The following DPP3 variants were observed in gnomAD, a reference collection of about 807,000 sequenced individuals.
The protein encoded by DPP3 is dipeptidyl peptidase 3.
In DPP3, 64 loss-of-function variants were observed where a neutral mutation model predicts 89.8. The observed-to-expected ratio is 0.71, with a 90% CI of 0.58 to 0.88. The LOEUF (loss-of-function observed/expected upper bound fraction) is 0.88, where lower values mean the gene tolerates loss of function less well. DPP3 is among the 40% of genes least tolerant of loss of function. The pLI is 0.00. For missense variants in DPP3, 835 were observed against 972.5 expected, an observed-to-expected ratio of 0.86 and a Z score of 1.88; for synonymous variants, 377 against 404.3, an observed-to-expected ratio of 0.93 and a Z score of 0.81.
At chr11:66,505,889 C>G (rs925560692) in intron 17 of DPP3, among the ~76,000 whole-genome samples, 3 of 150,412 alleles carry the variant, frequency 2.0e-5, no homozygotes, top group African/African-American at 7.3e-5. Context: ...AAGTCACTAC[C>G]TATTATTGGT....
intron 1 of DPP3, 173 bp downstream of exon 1, chr11:66,480,638 C>T: frequency 1.5e-6 from 1 of 673,858 alleles, no homozygotes; most frequent in East Asian, 3.5e-5. Context: ...GTTAACAGCC[C>T]TTTCCGAACC....
intron 5 of DPP3, 124 bp downstream of exon 5, chr11:66,487,466 G>A: frequency 7.1e-6 from 7 of 988,100 alleles, no homozygotes; most frequent in African/African-American, 1.6e-5. Context: ...GGGAAGGCGC[G>A]ACCCCTGCCC....
chr11:66,508,039 C>T (rs1356619351), intron 17 of DPP3, among the ~76,000 whole-genome samples: 1 of 152,198 alleles, frequency 6.6e-6, no homozygotes, highest in African/African-American at 2.4e-5. Flanking sequence ...TGGTTATTAT[C>T]CTCATTTTTC....
intron 16 of DPP3, 44 bp from the exon 17 acceptor site, chr11:66,504,568 C>T (rs776149436): frequency 3.8e-6 from 6 of 1,560,766 alleles, no homozygotes; most frequent in East Asian, 2.3e-5. Flanking sequence ...CTGTGGACAC[C>T]GGGTAACTGC....
chr11:66,493,709 A>C, intron 12 of DPP3, 76 bp downstream of exon 12: 1 of 1,448,708 alleles, frequency 6.9e-7, no homozygotes, highest in Non-Finnish European at 9.4e-7. Context: ...CCAGCGGTGA[A>C]GCTGCTCCAG....
At position 66,491,847 on chromosome 11, in the gene DPP3, C is replaced by G. The variant is rs181998903; in HGVS notation, c.988+91C>G. ...GTCCCCTGATGGTTCTCCCCACCCC[C>G]GCTCAGCCATAACCATAACAGTAAG... On this transcript the variant is annotated intron_variant, in intron 9 of 17. Transcript: ENST00000531863. 47 of 1,383,604 alleles carry G rather than the reference C, an allele frequency of 3.4e-5. No individual in the cohort carries two copies. In the East Asian group the frequency reaches 8.3e-4, roughly 25 times the overall value. 85.7% of individuals were successfully genotyped at this position (1,383,604 alleles called of 1,614,324 possible).
At position 66,495,508 on chromosome 11, in the gene DPP3, A is replaced by G; in HGVS notation, c.1577+19A>G. The G allele has an allele frequency of 6.2e-7, 1 of 1,609,400 alleles. No homozygotes were observed. Among genetic ancestry groups the G allele is most frequent in the African/African-American group, 1.3e-5 (1 of 74,810 alleles). Reference sequence around the variant, plus strand: ...TGCTGGAGTAAGAGCAGCAGGGCCGAGGGGCGGGCTGTCCCGCTGCAGTGG... The same window carrying G: ...TGCTGGAGTAAGAGCAGCAGGGCCGGGGGGCGGGCTGTCCCGCTGCAGTGG... On this transcript the variant is annotated intron_variant, in intron 14 of 17. Transcript: ENST00000531863.
Position 66,495,675 on chromosome 11 carries a change from G to A in DPP3, c.1623G>A (p.Val541=). 1 of 1,614,076 alleles carries A rather than the reference G, an allele frequency of 6.2e-7. No homozygotes were observed. Among genetic ancestry groups the A allele is most frequent in the Non-Finnish European group, 8.5e-7 (1 of 1,180,010 alleles). ...CTGATGCGGAGGACGTGATCTACGT[G>A]AACTGGCTCAACATGGTTCGGGCCG... ...EGADAEDVIY[V]NWLNMVRAGL... The change falls in exon 15 of 18, where the codon GTG becomes GTA. Residue 541 remains valine (V), a synonymous_variant. Transcript: ENST00000531863.
chr11:66,506,748 T>C (rs1382540578), intron 17 of DPP3, among the ~76,000 whole-genome samples: 2 of 152,166 alleles, frequency 1.3e-5, no homozygotes, highest in Non-Finnish European at 1.5e-5. Flanking sequence ...AAGCTGTTCT[T>C]GCTGCTTGGC....
chr11:66,505,936 G>T (rs769134391), intron 17 of DPP3, among the ~76,000 whole-genome samples: 2 of 151,738 alleles, frequency 1.3e-5, no homozygotes, highest in African/African-American at 4.8e-5. Flanking sequence ...TTTTGGGTTG[G>T]TTTTGTTTTT....
chr11:66,497,339 G>A lies in DPP3; in HGVS notation c.1740G>A (p.Leu580=), dbSNP rs771015560. 6.2e-7 allele frequency: 1 copy of A among 1,614,030 alleles called. No homozygotes were observed. Among genetic ancestry groups the A allele is most frequent in the African/African-American group, 1.3e-5 (1 of 75,064 alleles). ...QARFVILRVL[L]EAGEGLVTIT... ...GGTTTGTGATCCTGAGAGTCTTGCT[G>A]GAGGCTGGCGAGGGACTCGTTACCA... The change falls in exon 16 of 18, where the codon CTG becomes CTA. Residue 580 remains leucine, a synonymous_variant. Coordinates refer to ENST00000531863, the MANE Select transcript of DPP3 (RefSeq NM_130443.4).
chr11:66,493,434 C>A, intron 11 of DPP3, 107 bp from the exon 12 acceptor site: 1 of 1,203,092 alleles, frequency 8.3e-7, no homozygotes. Context: ...TGGCCTTTAC[C>A]AAGCACATGC....
At position 66,492,971 on chromosome 11, in the gene DPP3, T is replaced by C; in HGVS notation, c.1183+61T>C. 3 of 1,599,316 alleles carry C rather than the reference T, an allele frequency of 1.9e-6. No homozygotes were observed. The Admixed American group carries it at 5.1e-5, about 27-fold the overall frequency. On this transcript the variant is annotated intron_variant, in intron 10 of 17. Transcript: ENST00000531863. ...ACCTTCCTTTAGAGTCGCCCCTCCC[T>C]GTCCACACACACACCCTCCACAAAC... is the stretch of plus-strand genomic sequence containing the variant.
At chr11:66,491,195 C>A in intron 6 of DPP3, 58 bp from the exon 7 acceptor site, 1 of 1,605,656 alleles carries the variant, frequency 6.2e-7, no homozygotes, top group Non-Finnish European at 8.5e-7. Context: ...CAGGCCTTTT[C>A]TCTGAGTGAG....
chr11:66,492,089 A>T (rs1855408785), intron 9 of DPP3, among the ~76,000 whole-genome samples: 1 of 152,180 alleles, frequency 6.6e-6, no homozygotes, highest in African/African-American at 2.4e-5. Context: ...CACAGGCTCC[A>T]GGTAGCCATG....
chr11:66,504,775 G>T lies in DPP3; in HGVS notation c.2041+1G>T, dbSNP rs562841025. 2 of 1,606,382 alleles carry T rather than the reference G, an allele frequency of 1.2e-6. No individual in the cohort carries two copies. Among genetic ancestry groups the T allele is most frequent in the East Asian group, 4.5e-5 (2 of 44,452 alleles). On this transcript the variant is annotated splice_donor_variant, in intron 17 of 17. Transcript: ENST00000531863. LOFTEE classifies it high-confidence loss of function. ...GTTCAGCCCAACACTCGCCTTGAAG[G>T]TAATGAGGTAATGAGGGAGCTCTTG...
chr11:66,497,835 A>G (rs1855578759), intron 16 of DPP3, among the ~76,000 whole-genome samples: 1 of 151,914 alleles, frequency 6.6e-6, no homozygotes, highest in African/African-American at 2.4e-5. Flanking sequence ...AGGCTGCAGT[A>G]AGCCATGATT....
chr11:66,506,115 A>C (rs1855794150), intron 17 of DPP3, among the ~76,000 whole-genome samples: 1 of 151,780 alleles, frequency 6.6e-6, no homozygotes. Context: ...CACCCAGCTA[A>C]TTTTTGTATT....
At chr11:66,504,236 C>T (rs571442156) in intron 16 of DPP3, among the ~76,000 whole-genome samples, 13 of 152,016 alleles carry the variant, frequency 8.6e-5, no homozygotes, top group Non-Finnish European at 1.3e-4. Flanking sequence ...CAGGATTGCA[C>T]GCATGAGCCA....
Sources: gnomAD v4.1 joint callset for allele counts (sites outside exome capture counted in the v4.1 genomes callset) on GRCh38, gnomAD v4.1.1 for gene constraint, MANE v1.5 for transcripts, NCBI Gene and HGNC (gene_info 2026-07-23, HGNC 2026-07-21) for gene names.